Variants in CALN1 observed in about 807,000 individuals in gnomAD.
CALN1 encodes the protein calcium-binding protein 8.
A neutral mutation model predicts 30.6 loss-of-function variants in CALN1; 17 were observed. That is an observed-to-expected ratio of 0.56 (90% CI 0.38 to 0.83). The LOEUF (loss-of-function observed/expected upper bound fraction) is 0.83, where lower values mean the gene tolerates loss of function less well. Among genes scored for constraint, CALN1 ranks in the 40% least tolerant of loss-of-function variants. The pLI is 0.00. For missense variants in CALN1, 291 were observed against 354.9 expected, an observed-to-expected ratio of 0.82 and a Z score of 1.45; for synonymous variants, 156 against 131.4, an observed-to-expected ratio of 1.19 and a Z score of -1.28.
intron 3 of CALN1, among the ~76,000 whole-genome samples, chr7:72,221,151 TG>T (rs1342133051): frequency 6.6e-6 from 1 of 152,038 alleles, no homozygotes; most frequent in African/African-American, 2.4e-5. Context: ...ATAAACATGA[TG>T]TTGGCGAAAG....
intron 5 of CALN1, among the ~76,000 whole-genome samples, chr7:71,874,279 TAAAAAAAAA>T (rs57423286): frequency 2.0e-5 from 2 of 97,650 alleles, no homozygotes; most frequent in East Asian, 2.5e-4. Flanking sequence ...TCTCAAACAT[TAAAAAAAAA>T]AAAAAAAAAA....
chr7:71,956,570 T>A (rs117828148), intron 5 of CALN1, among the ~76,000 whole-genome samples: 8,559 of 151,578 alleles, frequency 0.056, 632 homozygotes, highest in East Asian at 0.21. Flanking sequence ...CAAGTTATCC[T>A]CCAGCCTCAG....
chr7:71,847,729 G>A (rs1790360456), intron 5 of CALN1, among the ~76,000 whole-genome samples: 1 of 118,390 alleles, frequency 8.4e-6, no homozygotes, highest in Admixed American at 9.2e-5. Context: ...GAAGAAGAAA[G>A]AAGAAAGAAG....
rs188514594 is a variant in CALN1, at chr7:72,399,879, T to A, written c.119+3372A>T. On this transcript the variant is annotated intron_variant, in intron 2 of 6. Transcript: ENST00000395275. ...TGCCTGGGCACCCTTCCTGTGATAATGAGTGAGTTCTCACTCTATTAGTTC... is the reference window on the plus strand; with the variant it reads ...TGCCTGGGCACCCTTCCTGTGATAAAGAGTGAGTTCTCACTCTATTAGTTC... 5.3e-5 allele frequency among the ~76,000 whole-genome samples: 8 copies of A among 152,270 alleles called. No individual in the cohort carries two copies. The East Asian group carries it at 1.5e-3, about 29-fold the overall frequency.
intron 3 of CALN1, among the ~76,000 whole-genome samples, chr7:72,226,960 C>T (rs368706656): frequency 2.0e-5 from 3 of 150,974 alleles, no homozygotes; most frequent in African/African-American, 7.3e-5. Flanking sequence ...CACTTGAACC[C>T]GGAAGACAGA....
intron 3 of CALN1, among the ~76,000 whole-genome samples, chr7:72,170,600 A>C (rs997310703): frequency 5.3e-5 from 8 of 152,224 alleles, no homozygotes; most frequent in Admixed American, 3.3e-4. Context: ...AACATCAGGC[A>C]CGCACATAAA....
chr7:72,131,589 C>G (rs372271611), intron 3 of CALN1, among the ~76,000 whole-genome samples: 1 of 152,142 alleles, frequency 6.6e-6, no homozygotes, highest in African/African-American at 2.4e-5. Flanking sequence ...TTCAAGAAAC[C>G]CAACACATGG....
intron 4 of CALN1, among the ~76,000 whole-genome samples, chr7:72,025,502 T>G (rs1800998640): frequency 6.6e-6 from 1 of 152,192 alleles, no homozygotes. Context: ...TGATGTCTCT[T>G]GCTCGTTCTT....
chr7:71,798,148 AGAGAGAGAGAGAG>A (rs1787068800), intron 6 of CALN1, among the ~76,000 whole-genome samples: 1 of 141,150 alleles, frequency 7.1e-6, no homozygotes, highest in East Asian at 2.3e-4. Context: ...AGAGAGAGAG[AGAGAGAGAGAGAG>A]AGAGAGAGAG....
intron 3 of CALN1, among the ~76,000 whole-genome samples, chr7:72,259,432 C>G (rs1201291799): frequency 6.6e-6 from 1 of 152,170 alleles, no homozygotes; most frequent in Non-Finnish European, 1.5e-5. Flanking sequence ...TTGTCACCAC[C>G]TGTACCTCAT....
At chr7:71,888,461 T>TAAA (rs543941509) in intron 5 of CALN1, among the ~76,000 whole-genome samples, 2 of 107,108 alleles carry the variant, frequency 1.9e-5, no homozygotes, top group East Asian at 2.4e-4. Flanking sequence ...CATTTTTTCT[T>TAAA]AAAAAAAAAA....
Position 72,404,251 on chromosome 7 carries a change from A to G in CALN1, c.-73-809T>C, listed in dbSNP as rs375017450. 1.8e-4 allele frequency among the ~76,000 whole-genome samples: 27 copies of G among 152,220 alleles called. No individual in the cohort carries two copies. The South Asian group carries it at 5.4e-3, about 30-fold the overall frequency. ...ACAATCTCCATCCCCTCCTCCCAAC[A>G]TTGTGTTGAGAAAAACCCCAGGCAG... On this transcript the variant is annotated intron_variant, in intron 1 of 6. Transcript: ENST00000395275.
intron 5 of CALN1, among the ~76,000 whole-genome samples, chr7:71,992,789 C>T (rs994805829): frequency 2.0e-5 from 3 of 152,166 alleles, no homozygotes; most frequent in African/African-American, 4.8e-5. Context: ...GCCGAAATAT[C>T]GTTATTAAAT....
At chr7:72,338,572 G>A (rs908003094) in intron 2 of CALN1, among the ~76,000 whole-genome samples, 4 of 140,934 alleles carry the variant, frequency 2.8e-5, no homozygotes, top group African/African-American at 7.9e-5. Flanking sequence ...ACTCATTGTG[G>A]GTGCCACGCC....
intron 2 of CALN1, among the ~76,000 whole-genome samples, chr7:72,385,692 G>A (rs1035297378): frequency 6.6e-6 from 1 of 152,210 alleles, no homozygotes; most frequent in Non-Finnish European, 1.5e-5. Flanking sequence ...GATCATGGGG[G>A]TGGTTTCCCC....
At chr7:72,115,484 CTT>C (rs71069026) in intron 3 of CALN1, among the ~76,000 whole-genome samples, 1,465 of 80,614 alleles carry the variant, frequency 0.018, 8 homozygotes, top group African/African-American at 0.054. Flanking sequence ...CATATACATT[CTT>C]TTTTTTTTTT....
At chr7:72,095,915 C>G (rs983516018) in intron 4 of CALN1, among the ~76,000 whole-genome samples, 2 of 152,072 alleles carry the variant, frequency 1.3e-5, no homozygotes, top group African/African-American at 4.8e-5. Context: ...CGACGCATGC[C>G]TGTAGTCCCA....
chr7:72,014,110 G>A (rs1251483881), intron 5 of CALN1, among the ~76,000 whole-genome samples: 2 of 135,134 alleles, frequency 1.5e-5, no homozygotes, highest in African/African-American at 5.5e-5. Flanking sequence ...TTTTTTAGAT[G>A]GAGTTTCACT....
intron 5 of CALN1, among the ~76,000 whole-genome samples, chr7:71,917,980 T>C (rs1198841057): frequency 6.6e-6 from 1 of 152,218 alleles, no homozygotes. Context: ...CACGACCAAA[T>C]GTGTTTAGGG....
Sources: allele counts gnomAD v4.1 joint callset (sites outside exome capture counted in the v4.1 genomes callset), GRCh38; gene constraint gnomAD v4.1.1; transcripts MANE v1.5; gene names NCBI Gene and HGNC (gene_info 2026-07-23, HGNC 2026-07-21).